The following BLMH variants were observed in gnomAD, a reference collection of about 807,000 sequenced individuals.
BLMH encodes BLM hydrolase.
A neutral mutation model predicts 61.6 loss-of-function variants in BLMH; 32 were observed. That is an observed-to-expected ratio of 0.52 (90% confidence interval 0.39 to 0.70). The LOEUF is 0.70. Ranked by LOEUF, BLMH falls within the 30% of genes least tolerant of loss-of-function variation. The pLI, the probability that BLMH is intolerant of heterozygous loss-of-function variation, is 0.00. For synonymous variants in BLMH, 183 were observed against 193.8 expected (o/e 0.94, Z 0.46); for missense variants, 460 against 555.5 (o/e 0.83, Z 1.73).
Position 30,267,050 on chromosome 17 carries a change from A to ACAGCCTGCTCTATACAGG in BLMH, c.1147-114_1147-97dup, listed in dbSNP as rs140724054. The ACAGCCTGCTCTATACAGG allele has an allele frequency of 2.9e-3, 3,238 of 1,117,998 alleles. 17 individuals carry two copies. The highest frequency in any genetic ancestry group is 8.4e-3 in the East Asian group (347 of 41,292). 69.3% of individuals were successfully genotyped at this position (1,117,998 alleles called of 1,614,324 possible). A position where few individuals can be genotyped will look rare whatever the true frequency, so the allele number is the denominator to read the frequency against. Reference sequence around the variant, plus strand: ...GCTCTTCTGTAGCCACTTGAAAGAAACAGCCTGCTCTATACAGGCAGCCTG... The same window carrying ACAGCCTGCTCTATACAGG: ...GCTCTTCTGTAGCCACTTGAAAGAAACAGCCTGCTCTATACAGGCAGCCTGCTCTATACAGGCAGCCTG... On this transcript the variant is annotated intron_variant, in intron 10 of 11. Transcript: ENST00000261714.
At position 30,274,229 on chromosome 17, in the gene BLMH, G is replaced by A. The variant is rs768284725; in HGVS notation, c.646-32C>T. ...GAGAGGAGGAGGAAAGGCGAGCAAT[G>A]GTTAGGGGGAAATGTTATTTTTTTC... On this transcript the variant is annotated intron_variant, in intron 6 of 11. Transcript: ENST00000261714. 3.8e-6 allele frequency: 6 copies of A among 1,598,442 alleles called. No individual in the cohort carries two copies. In the African/African-American group the frequency reaches 5.4e-5, roughly 14 times the overall value.
At chr17:30,268,793 T>C (rs1405515620) in intron 10 of BLMH, among the ~76,000 whole-genome samples, 1 of 151,434 alleles carries the variant, frequency 6.6e-6, no homozygotes, top group Non-Finnish European at 1.5e-5. Context: ...TCCCAGCACT[T>C]TGGGAGGCCG....
chr17:30,262,799 A>C (rs1045098666), intron 11 of BLMH, among the ~76,000 whole-genome samples: 1 of 152,190 alleles, frequency 6.6e-6, no homozygotes, highest in Non-Finnish European at 1.5e-5. Context: ...CGTCTCAAAA[A>C]AGCAAAAACA....
At chr17:30,253,900 T>C (rs1907742341) in intron 11 of BLMH, among the ~76,000 whole-genome samples, 1 of 152,218 alleles carries the variant, frequency 6.6e-6, no homozygotes, top group Non-Finnish European at 1.5e-5. Flanking sequence ...CTGGCAACGT[T>C]TCTGTATTTT....
chr17:30,258,347 G>A (rs1567831812), intron 11 of BLMH, among the ~76,000 whole-genome samples: 1 of 152,136 alleles, frequency 6.6e-6, no homozygotes, highest in Non-Finnish European at 1.5e-5. Context: ...TGGCTATGTG[G>A]TGAGGACACA....
At chr17:30,273,098 C>A in intron 7 of BLMH, 199 bp from the exon 8 acceptor site, 1 of 568,550 alleles carries the variant, frequency 1.8e-6, no homozygotes, top group Non-Finnish European at 3.0e-6. Context: ...TTCTAATTCG[C>A]GTAAGAGACA....
At chr17:30,278,424 T>C (rs1908483522) in intron 6 of BLMH, among the ~76,000 whole-genome samples, 1 of 152,224 alleles carries the variant, frequency 6.6e-6, no homozygotes, top group Non-Finnish European at 1.5e-5. Context: ...TAGGGAAATG[T>C]ATTTGTGACT....
chr17:30,270,667 T>C (rs1908244333), intron 10 of BLMH, among the ~76,000 whole-genome samples: 3 of 152,192 alleles, frequency 2.0e-5, no homozygotes, highest in African/African-American at 7.2e-5. Context: ...GGTGAAAATA[T>C]CTATTTTTAC....
At chr17:30,291,237 C>G in intron 2 of BLMH, 74 bp downstream of exon 2, 1 of 1,535,622 alleles carries the variant, frequency 6.5e-7, no homozygotes, top group Non-Finnish European at 8.9e-7. Flanking sequence ...TTTAAGACCA[C>G]TCTTAAATAA....
intron 4 of BLMH, among the ~76,000 whole-genome samples, chr17:30,287,274 G>C (rs529244452): frequency 6.6e-6 from 1 of 152,252 alleles, no homozygotes; most frequent in Admixed American, 6.5e-5. Flanking sequence ...CAATCCTCCT[G>C]CCCTGGTCTC....
In BLMH at chr17:30,291,920, C is replaced by G; in HGVS notation, c.-101G>C. 8.2e-7 allele frequency: 1 copy of G among 1,224,678 alleles called. No homozygotes were observed. The highest frequency in any genetic ancestry group is 3.1e-5 in the East Asian group (1 of 32,246). The allele number at this position is 1,224,678 out of a possible 1,614,324, so 75.9% of individuals were successfully genotyped here. On this transcript the variant is annotated 5_prime_UTR_variant, in exon 1 of 12. Transcript: ENST00000261714. Reference sequence around the variant, plus strand: ...GCTGCCTAGGGGGCCCGACCTGTCTCTCGCACCCGGAGCGCCGGAAAAAGG... The same window carrying G: ...GCTGCCTAGGGGGCCCGACCTGTCTGTCGCACCCGGAGCGCCGGAAAAAGG...
At chr17:30,252,869 T>G (rs1162817743) in intron 11 of BLMH, among the ~76,000 whole-genome samples, 1 of 152,158 alleles carries the variant, frequency 6.6e-6, no homozygotes, top group Non-Finnish European at 1.5e-5. Flanking sequence ...GCTTTGTTGG[T>G]GTCAGGACCT....
intron 11 of BLMH, among the ~76,000 whole-genome samples, chr17:30,259,843 G>A (rs928692323): frequency 2.0e-5 from 3 of 152,056 alleles, no homozygotes; most frequent in African/African-American, 4.8e-5. Context: ...TTTCTCTCAC[G>A]ACACTAAGCC....
rs1232417826 is a variant in BLMH, at chr17:30,248,265, G to A, written c.*752C>T. ...GCACCATCTAGTTATCAGAAAGAATGGATATCACCTTTTCCTGCCCACCCA... is the reference window on the plus strand; with the variant it reads ...GCACCATCTAGTTATCAGAAAGAATAGATATCACCTTTTCCTGCCCACCCA... On this transcript the variant is annotated 3_prime_UTR_variant, in exon 12 of 12. Coordinates refer to ENST00000261714, the MANE Select transcript of BLMH (RefSeq NM_000386.4). 1 of 152,486 alleles carries A rather than the reference G, an allele frequency of 6.6e-6. No individual in the cohort carries two copies. The highest frequency in any genetic ancestry group is 2.4e-5 in the African/African-American group (1 of 41,386). The allele number at this position is 152,486 out of a possible 1,614,324, so 9.4% of individuals were successfully genotyped here.
At chr17:30,282,892 C>T (rs1201374407) in intron 6 of BLMH, among the ~76,000 whole-genome samples, 3 of 152,180 alleles carry the variant, frequency 2.0e-5, no homozygotes, top group South Asian at 2.1e-4. Context: ...CCAGGTATGG[C>T]GGCTCACACT....
intron 8 of BLMH, 56 bp from the exon 9 acceptor site, chr17:30,272,684 C>T: frequency 6.2e-7 from 1 of 1,613,884 alleles, no homozygotes; most frequent in South Asian, 1.1e-5. Flanking sequence ...TCCTATTATA[C>T]CAAAGAAGTA....
chr17:30,262,830 T>G (rs748241711), intron 11 of BLMH, among the ~76,000 whole-genome samples: 1 of 152,036 alleles, frequency 6.6e-6, no homozygotes, highest in Non-Finnish European at 1.5e-5. Context: ...AAAAAACAAC[T>G]AAATAACCTT....
intron 11 of BLMH, among the ~76,000 whole-genome samples, chr17:30,266,476 G>C (rs1908110369): frequency 7.4e-6 from 1 of 135,578 alleles, no homozygotes; most frequent in Non-Finnish European, 1.5e-5. Flanking sequence ...AGTGAGCCAA[G>C]ATTACGTCAC....
intron 11 of BLMH, among the ~76,000 whole-genome samples, chr17:30,258,885 A>C (rs1907885356): frequency 6.6e-6 from 1 of 152,150 alleles, no homozygotes; most frequent in Non-Finnish European, 1.5e-5. Context: ...GGCAAGCCAC[A>C]TTATTTCTTG....
Sources: allele counts gnomAD v4.1 joint callset (sites outside exome capture counted in the v4.1 genomes callset), GRCh38; gene constraint gnomAD v4.1.1; transcripts MANE v1.5; gene names NCBI Gene and HGNC (gene_info 2026-07-23, HGNC 2026-07-21).